Variants in THEMIS observed in about 807,000 individuals in gnomAD.
THEMIS encodes protein THEMIS.
Under a neutral mutation model 52.6 loss-of-function variants are expected in THEMIS, and 37 were observed. The observed-to-expected ratio is 0.70, with a 90% CI of 0.54 to 0.93. The LOEUF is 0.93. THEMIS is among the 40% of genes least tolerant of loss of function. The pLI is 0.00. For missense variants in THEMIS, 808 were observed against 763.1 expected (o/e 1.06, Z -0.69); for synonymous variants, 292 against 272.7 (o/e 1.07, Z -0.70).
intron 1 of THEMIS, among the ~76,000 whole-genome samples, chr6:127,910,485 C>A (rs1781384020): frequency 6.6e-6 from 1 of 152,116 alleles, no homozygotes; most frequent in East Asian, 1.9e-4. Context: ...TCCATTCCCA[C>A]AACGTTATTT....
intron 4 of THEMIS, among the ~76,000 whole-genome samples, chr6:127,805,443 C>T (rs1455882366): frequency 6.6e-6 from 1 of 151,978 alleles, no homozygotes. Flanking sequence ...TGAATCTTTT[C>T]TTTGTCTATG....
At chr6:127,825,522 C>G (rs979873782) in intron 3 of THEMIS, among the ~76,000 whole-genome samples, 1 of 152,080 alleles carries the variant, frequency 6.6e-6, no homozygotes, top group African/African-American at 2.4e-5. Context: ...ATGCACCGTT[C>G]TCAGGAAGCA....
chr6:127,736,094 G>C (rs1415204576), intron 4 of THEMIS, among the ~76,000 whole-genome samples: 1 of 152,194 alleles, frequency 6.6e-6, no homozygotes, highest in South Asian at 2.1e-4. Context: ...GAGTGAAAGA[G>C]AGAAGGATGT....
chr6:127,808,970 T>A (rs575301139), intron 4 of THEMIS, among the ~76,000 whole-genome samples: 2 of 152,340 alleles, frequency 1.3e-5, no homozygotes, highest in East Asian at 3.9e-4. Context: ...AATTTTAGAT[T>A]CTTACTCTTA....
chr6:127,907,850 TA>T (rs1781315756), intron 1 of THEMIS, among the ~76,000 whole-genome samples: 1 of 150,440 alleles, frequency 6.6e-6, no homozygotes, highest in South Asian at 2.1e-4. Context: ...TATTTTATTT[TA>T]TTTTTTTGAG....
chr6:127,817,398 T>C (rs1778173415), intron 3 of THEMIS, among the ~76,000 whole-genome samples: 3 of 152,234 alleles, frequency 2.0e-5, no homozygotes, highest in Admixed American at 2.0e-4. Flanking sequence ...GTATATTTTA[T>C]TTAAGACACT....
intron 5 of THEMIS, among the ~76,000 whole-genome samples, chr6:127,710,533 A>G (rs1185629450): frequency 1.3e-5 from 2 of 151,988 alleles, no homozygotes; most frequent in Non-Finnish European, 2.9e-5. Flanking sequence ...AAAGGTACCT[A>G]ATAATTGTTA....
chr6:127,850,620 T>C (rs1437084649), intron 2 of THEMIS, among the ~76,000 whole-genome samples: 1 of 151,802 alleles, frequency 6.6e-6, no homozygotes, highest in Non-Finnish European at 1.5e-5. Flanking sequence ...TTATTTTAAC[T>C]GCAATAACTC....
chr6:127,893,918 A>C (rs1780887088), intron 1 of THEMIS, among the ~76,000 whole-genome samples: 1 of 152,130 alleles, frequency 6.6e-6, no homozygotes, highest in South Asian at 2.1e-4. Flanking sequence ...TGATATACCA[A>C]AAGAAAGCTG....
intron 4 of THEMIS, among the ~76,000 whole-genome samples, chr6:127,791,314 C>T (rs1004244952): frequency 1.3e-5 from 2 of 152,086 alleles, no homozygotes; most frequent in African/African-American, 4.8e-5. Flanking sequence ...AGAAAGGAGA[C>T]CCACAGTGGG....
At chr6:127,846,812 C>G (rs1779230265) in intron 2 of THEMIS, among the ~76,000 whole-genome samples, 1 of 151,520 alleles carries the variant, frequency 6.6e-6, no homozygotes, top group Non-Finnish European at 1.5e-5. Context: ...TCCTAACACC[C>G]AAACCAGGAA....
At chr6:127,730,321 AAAAAG>A (rs1174763634) in intron 4 of THEMIS, among the ~76,000 whole-genome samples, 31 of 61,590 alleles carry the variant, frequency 5.0e-4, no homozygotes, top group East Asian at 1.9e-3. Flanking sequence ...GAAAAGAGAA[AAAAAG>A]AAAAGAAAAG....
intron 1 of THEMIS, among the ~76,000 whole-genome samples, chr6:127,916,382 TG>T (rs1171660328): frequency 2.0e-5 from 3 of 152,132 alleles, no homozygotes; most frequent in Admixed American, 6.5e-5. Flanking sequence ...CCCCAATTTT[TG>T]TTTGTGGTTC....
chr6:127,895,452 C>G (rs1780935790), intron 1 of THEMIS, among the ~76,000 whole-genome samples: 1 of 151,472 alleles, frequency 6.6e-6, no homozygotes, highest in Non-Finnish European at 1.5e-5. Context: ...ATAAATATTA[C>G]TAATCGTATT....
intron 1 of THEMIS, among the ~76,000 whole-genome samples, chr6:127,880,308 C>T (rs991188204): frequency 6.6e-6 from 1 of 151,988 alleles, no homozygotes; most frequent in Admixed American, 6.6e-5. Context: ...AAGATTAGTT[C>T]AAATTACCAT....
At chr6:127,758,453 A>T (rs888109946) in intron 4 of THEMIS, among the ~76,000 whole-genome samples, 1 of 148,018 alleles carries the variant, frequency 6.8e-6, no homozygotes, top group Non-Finnish European at 1.5e-5. Context: ...AATATATATT[A>T]TAAATATTTA....
At chr6:127,731,606 A>T (rs1333410354) in intron 4 of THEMIS, among the ~76,000 whole-genome samples, 5 of 149,952 alleles carry the variant, frequency 3.3e-5, no homozygotes, top group Non-Finnish European at 7.4e-5. Context: ...AAAGGTTCTA[A>T]TTTGTCACCG....
chr6:127,724,270 A>G (rs1277530104), intron 4 of THEMIS, among the ~76,000 whole-genome samples: 1 of 152,160 alleles, frequency 6.6e-6, no homozygotes, highest in East Asian at 1.9e-4. Context: ...TATCCCATAT[A>G]GCTCTGAATC....
rs1468428868 is a variant in THEMIS, at chr6:127,872,189, T to TA, written c.92-17002dup. 2.6e-5 allele frequency among the ~76,000 whole-genome samples: 4 copies of TA among 152,202 alleles called. No individual in the cohort carries two copies. In the South Asian group the frequency reaches 6.2e-4, roughly 24 times the overall value. On this transcript the variant is annotated intron_variant, in intron 1 of 5. Transcript: ENST00000368248. Reference sequence around the variant, plus strand: ...AATGTAATCTACTACATTAACAGGCTAAAAAAAGGTATGGCAGCAGGTGCA... The same window carrying TA: ...AATGTAATCTACTACATTAACAGGCTAAAAAAAAGGTATGGCAGCAGGTGCA...
Sources: gnomAD v4.1 joint callset for allele counts (sites outside exome capture counted in the v4.1 genomes callset) on GRCh38, gnomAD v4.1.1 for gene constraint, MANE v1.5 for transcripts, NCBI Gene and HGNC (gene_info 2026-07-23, HGNC 2026-07-21) for gene names.